STX18: variants seen among roughly 807,000 people sequenced by gnomAD.
The protein encoded by STX18 is syntaxin-18.
Under a neutral mutation model 50.1 loss-of-function variants are expected in STX18, and 40 were observed. The observed-to-expected ratio is 0.80, with a 90% CI of 0.62 to 1.04. STX18 has a LOEUF of 1.04. Ranked by LOEUF, STX18 falls within the 50% of genes least tolerant of loss-of-function variation. The probability of loss-of-function intolerance (pLI) is 0.00; values close to 1 mark genes in which losing one functional copy is unlikely to be tolerated. For synonymous variants in STX18, 158 were observed against 151.8 expected (o/e 1.04, Z -0.30); for missense variants, 410 against 415.8 (o/e 0.99, Z 0.12).
intron 6 of STX18, among the ~76,000 whole-genome samples, chr4:4,436,152 A>G (rs1314726500): frequency 1.3e-5 from 2 of 152,250 alleles, no homozygotes; most frequent in Admixed American, 1.3e-4. Flanking sequence ...GCAACAATGT[A>G]GAGAAAGCTC....
At chr4:4,463,705 A>AT (rs1577346055) in intron 2 of STX18, among the ~76,000 whole-genome samples, 3 of 152,324 alleles carry the variant, frequency 2.0e-5, no homozygotes, top group South Asian at 4.1e-4. Flanking sequence ...TGTAGCTTCC[A>AT]TTTTTTACAG....
chr4:4,434,731 C>A (rs1725687266), intron 7 of STX18, 39 bp downstream of exon 7: 1 of 1,541,638 alleles, frequency 6.5e-7, no homozygotes, highest in East Asian at 2.3e-5. Flanking sequence ...CTTATGAAAA[C>A]CAGTTAAAAA....
intron 2 of STX18, among the ~76,000 whole-genome samples, chr4:4,465,988 T>C (rs1322717084): frequency 6.6e-6 from 1 of 152,158 alleles, no homozygotes; most frequent in African/African-American, 2.4e-5. Flanking sequence ...TGAATCAAAT[T>C]GATCAAATCA....
intron 1 of STX18, among the ~76,000 whole-genome samples, chr4:4,483,849 A>G (rs1452709221): frequency 6.6e-6 from 1 of 151,634 alleles, no homozygotes; most frequent in Non-Finnish European, 1.5e-5. Context: ...ATCATTCCCA[A>G]TCCTCTCAGG....
intron 2 of STX18, among the ~76,000 whole-genome samples, chr4:4,470,324 A>G (rs1293108490): frequency 6.6e-6 from 1 of 152,142 alleles, no homozygotes; most frequent in Non-Finnish European, 1.5e-5. Flanking sequence ...AGTTGGGAAA[A>G]ACAAAAATGT....
Position 4,426,876 on chromosome 4 carries a change from G to A in STX18, c.703-1654C>T, listed in dbSNP as rs936152443. 6.6e-5 allele frequency among the ~76,000 whole-genome samples: 10 copies of A among 152,256 alleles called. No individual in the cohort carries two copies. The East Asian group carries it at 1.5e-3, about 24-fold the overall frequency. ...ACACTGTTATCCATGCCCTGGCCAC[G>A]TGACATCTCCCATCTCAGCTCTGCT... On this transcript the variant is annotated intron_variant, in intron 7 of 10. Transcript: ENST00000306200.
intron 1 of STX18, among the ~76,000 whole-genome samples, chr4:4,524,696 G>C (rs1209662790): frequency 2.6e-5 from 4 of 152,218 alleles, no homozygotes; most frequent in Non-Finnish European, 5.9e-5. Context: ...ACACTGTTTG[G>C]TTCACCGAGT....
chr4:4,517,989 G>T (rs1730358822), intron 1 of STX18, among the ~76,000 whole-genome samples: 1 of 152,054 alleles, frequency 6.6e-6, no homozygotes, highest in Non-Finnish European at 1.5e-5. Context: ...TGGCCAGGCT[G>T]GTCTCAAACT....
chr4:4,521,688 T>C (rs942371323), intron 1 of STX18, among the ~76,000 whole-genome samples: 1 of 152,100 alleles, frequency 6.6e-6, no homozygotes, highest in Non-Finnish European at 1.5e-5. Flanking sequence ...AAATACAACT[T>C]AGCAATTCAG....
Position 4,423,535 on chromosome 4 carries a change from C to T in STX18, c.814G>A (p.Glu272Lys), listed in dbSNP as rs1325080855. 3 of 1,614,224 alleles carry T rather than the reference C, an allele frequency of 1.9e-6. No homozygotes were observed. Among genetic ancestry groups the T allele is most frequent in the Non-Finnish European group, 2.5e-6 (3 of 1,180,040 alleles). The change falls in exon 9 of 11, where the codon GAA (glutamate) becomes AAA (lysine). Residue 272 changes from glutamate (E) to lysine (K), a missense_variant. Physicochemically the swap from Glu to Lys is moderately conservative, Grantham distance 56 (BLOSUM62 1). Transcript: ENST00000306200. ...TTTTTTACCTGTTGCAAAACCTTTT[C>T]CGTGAATATCTCTTGGAGTCTGGAA... Reference protein sequence around the residue: ...EISRLQEIFTEKVLQQEAEID... With the variant: ...EISRLQEIFTKKVLQQEAEID...
chr4:4,457,524 C>A, intron 3 of STX18, 24 bp from the exon 4 acceptor site: 1 of 1,571,448 alleles, frequency 6.4e-7, no homozygotes, highest in South Asian at 1.1e-5. Context: ...AGACAATGTT[C>A]AGGCCTTCGC....
intron 5 of STX18, among the ~76,000 whole-genome samples, chr4:4,453,070 C>T (rs1366047850): frequency 1.3e-5 from 2 of 152,114 alleles, no homozygotes; most frequent in Non-Finnish European, 2.9e-5. Context: ...ACCAAGAAAG[C>T]GGTTTCTTGA....
At chr4:4,459,283 G>A (rs1727252201) in intron 3 of STX18, 89 bp downstream of exon 3, 1 of 883,840 alleles carries the variant, frequency 1.1e-6, no homozygotes, top group South Asian at 1.5e-5. Context: ...AATAAGAAGA[G>A]GGAATTTTAA....
intron 5 of STX18, among the ~76,000 whole-genome samples, chr4:4,447,533 G>T (rs1726480796): frequency 1.4e-5 from 2 of 140,724 alleles, no homozygotes; most frequent in African/African-American, 5.1e-5. Flanking sequence ...GGAGCTTGCA[G>T]TGAGCCGAGA....
At chr4:4,536,379 T>C (rs1197575564) in intron 1 of STX18, among the ~76,000 whole-genome samples, 1 of 152,204 alleles carries the variant, frequency 6.6e-6, no homozygotes, top group African/African-American at 2.4e-5. Flanking sequence ...AGAAAACATA[T>C]ATTCGAGTAG....
At position 4,453,147 on chromosome 4, in the gene STX18, T is replaced by C. The variant is rs117504665; in HGVS notation, c.497+4044A>G. 2.3e-3 allele frequency among the ~76,000 whole-genome samples: 345 copies of C among 152,316 alleles called. 8 individuals carry two copies. The highest frequency in any genetic ancestry group is 0.017 in the East Asian group (87 of 5,186). ...AAATAACAAGGAAGGGCTTAGAATA[T>C]TGCATAAACTTGGTTGACAAAGCAG... On this transcript the variant is annotated intron_variant, in intron 5 of 10. Coordinates refer to ENST00000306200, the MANE Select transcript of STX18 (RefSeq NM_016930.4).
chr4:4,484,086 T>C (rs891435433), intron 1 of STX18, among the ~76,000 whole-genome samples: 2 of 152,068 alleles, frequency 1.3e-5, no homozygotes, highest in Admixed American at 1.3e-4. Context: ...ATGGTCTTGA[T>C]CTCCTGACCT....
chr4:4,517,377 A>G (rs1177241468), intron 1 of STX18, among the ~76,000 whole-genome samples: 2 of 152,226 alleles, frequency 1.3e-5, no homozygotes, highest in African/African-American at 2.4e-5. Flanking sequence ...GAATAATCCC[A>G]AAAAGTTTGT....
rs369024695 is a variant in STX18, at chr4:4,420,827, C to T, written c.912+37G>A. On this transcript the variant is annotated intron_variant, in intron 10 of 10. Transcript: ENST00000306200. This position sits in a 1 kb window ranked among gnomAD's most constrained non-coding sequence, Gnocchi z 4.3. ...CACCCGCTGCTGGGACTCAGTGCTG[C>T]GCCACGTCGCACCTGGGGAACCTAA... 3.6e-5 allele frequency: 57 copies of T among 1,577,668 alleles called. 2 individuals carry two copies. Among genetic ancestry groups the T allele is most frequent in the South Asian group, 3.3e-4 (30 of 90,298 alleles).
Sources: gnomAD v4.1 joint callset for allele counts (sites outside exome capture counted in the v4.1 genomes callset) on GRCh38, gnomAD v4.1.1 for gene constraint, Gnocchi (gnomAD v3.1) non-coding constraint, MANE v1.5 for transcripts, NCBI Gene and HGNC (gene_info 2026-07-23, HGNC 2026-07-21) for gene names.